The following METTL25B variants were observed in gnomAD, a reference collection of about 807,000 sequenced individuals.
METTL25B encodes the protein methyltransferase like 25B, also known as methyltransferase-like protein 25B.
In METTL25B, 38 loss-of-function variants were observed where a neutral mutation model predicts 48.4. The observed-to-expected ratio is 0.78, with a 90% CI of 0.61 to 1.03. METTL25B has a LOEUF of 1.03. METTL25B is among the 50% of genes least tolerant of loss of function. The probability of loss-of-function intolerance (pLI) is 0.00; values close to 1 mark genes in which losing one functional copy is unlikely to be tolerated. For synonymous variants in METTL25B, 230 were observed against 254.5 expected, an observed-to-expected ratio of 0.90 and a Z score of 0.92; for missense variants, 537 against 603.7, an observed-to-expected ratio of 0.89 and a Z score of 1.16.
rs2102651058 is a variant in METTL25B, at chr1:156,732,076, C to T, written c.197C>T (p.Thr66Ile). 6.2e-7 allele frequency: 1 copy of T among 1,614,208 alleles called. No individual in the cohort carries two copies. The highest frequency in any genetic ancestry group is 1.3e-5 in the African/African-American group (1 of 75,052). ...GGACTGAAACCACCACAGCTGGCCA[C>T]AATGCTGCTGGGGATGCCTGGGGAA... ...LDGLKPPQLATMLLGMPGEGE... is the reference protein window; with the variant it reads ...LDGLKPPQLAIMLLGMPGEGE... Residue 66 changes from threonine (T) to isoleucine (I), a missense_variant, in exon 2 of 8, where the codon ACA becomes ATA. Physicochemically the swap from Thr to Ile is moderately conservative, Grantham distance 89 (BLOSUM62 -1). Transcript: ENST00000368216.
At chr1:156,733,787 A>T in intron 5 of METTL25B, 1 of 673,398 alleles carries the variant, frequency 1.5e-6, no homozygotes, top group Non-Finnish European at 2.5e-6. Context: ...TGTTACAAAT[A>T]AGAAAACTGG....
Position 156,728,802 on chromosome 1 carries a change from C to T in METTL25B, c.-303C>T. On this transcript the variant is annotated 5_prime_UTR_variant, in exon 1 of 8. Transcript: ENST00000368216. Reference sequence around the variant, plus strand: ...GCGGGAACTGGAACTTGGCCCGCCTCGTTGTGAGCTGAGCTCAGCGGCACG... The same window carrying T: ...GCGGGAACTGGAACTTGGCCCGCCTTGTTGTGAGCTGAGCTCAGCGGCACG... 1 of 982,662 alleles carries T rather than the reference C, an allele frequency of 1.0e-6. No individual in the cohort carries two copies. The highest frequency in any genetic ancestry group is 1.3e-6 in the Non-Finnish European group (1 of 788,610). The allele number at this position is 982,662 out of a possible 1,614,324, so 60.9% of individuals were successfully genotyped here. A position where few individuals can be genotyped will look rare whatever the true frequency, so the allele number is the denominator to read the frequency against.
intron 4 of METTL25B, 146 bp downstream of exon 4, chr1:156,733,193 C>T: frequency 9.5e-7 from 1 of 1,051,856 alleles, no homozygotes; most frequent in African/African-American, 1.6e-5. Flanking sequence ...TTTTTTAAGC[C>T]AGTCAGATTT....
chr1:156,728,580 GAGTGTGT>G lies in METTL25B; in HGVS notation c.-524_-518del. 1 of 985,212 alleles carries G rather than the reference GAGTGTGT, an allele frequency of 1.0e-6. No individual in the cohort carries two copies. The highest frequency in any genetic ancestry group is 1.2e-6 in the Non-Finnish European group (1 of 829,766). 61.0% of individuals were successfully genotyped at this position (985,212 alleles called of 1,614,324 possible). ...CCCAGGTAGTGAGGCCAGTGATTCC[GAGTGTGT>G]GAGGAGCGGCAGTGGCGGCGGAGGA... On this transcript the variant is annotated 5_prime_UTR_variant, in exon 1 of 8. Coordinates refer to ENST00000368216, the MANE Select transcript of METTL25B (RefSeq NM_015997.4).
At chr1:156,735,301 A>AAT (rs1253989817) in intron 6 of METTL25B, among the ~76,000 whole-genome samples, 1 of 151,190 alleles carries the variant, frequency 6.6e-6, no homozygotes, top group Non-Finnish European at 1.5e-5. Context: ...AAAAAAAAAA[A>AAT]AGTTTTTTAA....
rs1173428672 is a variant in METTL25B, at chr1:156,735,760, A to G, written c.1157A>G (p.Asp386Gly). The G allele has an allele frequency of 6.2e-7, 1 of 1,611,730 alleles. No individual in the cohort carries two copies. The highest frequency in any genetic ancestry group is 8.5e-7 in the Non-Finnish European group (1 of 1,179,486). The change falls in exon 7 of 8, where the codon GAT (aspartate) becomes GGT (glycine). Residue 386 changes from aspartate to glycine, a missense_variant. Asp to Gly is a moderately conservative substitution (Grantham distance 94). Transcript: ENST00000368216. ...CGGGGGCTACAGCGAGTGGGGCTAG[A>G]TCCCCAGCTGCCACTGAATCTGGCT... ...VQRGLQRVGLDPQLPLNLAAL... is the reference protein window; with the variant it reads ...VQRGLQRVGLGPQLPLNLAAL...
intron 1 of METTL25B, chr1:156,729,425 T>G (rs1476190805): frequency 5.8e-5 from 25 of 428,268 alleles, no homozygotes; most frequent in Non-Finnish European, 8.9e-5. Flanking sequence ...CTTTTTCTTT[T>G]TTTTTTTCTT....
chr1:156,733,103 G>A, intron 4 of METTL25B, 56 bp downstream of exon 4: 1 of 1,521,698 alleles, frequency 6.6e-7, no homozygotes, highest in Non-Finnish European at 9.0e-7. Flanking sequence ...TAGAACACCT[G>A]GAAGGCAGGT....
Position 156,732,284 on chromosome 1 carries a change from C to T in METTL25B, c.240C>T (p.Tyr80=), listed in dbSNP as rs775317395. 1.2e-6 allele frequency: 2 copies of T among 1,614,170 alleles called. No individual in the cohort carries two copies. Among genetic ancestry groups the T allele is most frequent in the South Asian group, 1.1e-5 (1 of 91,080 alleles). ...GMPGEGEVVR[Y]RSVWPLTLLA... Reference sequence around the variant, plus strand: ...GGCCTCGGCTGGACTATCTCAGGTACAGGTCAGTGTGGCCACTCACCCTGC... The same window carrying T: ...GGCCTCGGCTGGACTATCTCAGGTATAGGTCAGTGTGGCCACTCACCCTGC... Residue 80 remains tyrosine, a synonymous_variant, in exon 3 of 8, where the codon TAC becomes TAT. Transcript: ENST00000368216.
chr1:156,729,530 C>T (rs188360433), intron 1 of METTL25B: 2 of 211,110 alleles, frequency 9.5e-6, no homozygotes, highest in African/African-American at 2.4e-5. Context: ...TAGTACCTAC[C>T]TAGATTGTTT....
intron 7 of METTL25B, chr1:156,736,205 C>T: frequency 3.6e-6 from 1 of 276,356 alleles, no homozygotes; most frequent in Admixed American, 4.9e-5. Flanking sequence ...AGTAAAAATA[C>T]AAAAAGTAGC....
Position 156,733,061 on chromosome 1 carries a change from TTGA to T in METTL25B, c.492+17_492+19del. On this transcript the variant is annotated intron_variant, in intron 4 of 7. Transcript: ENST00000368216. Reference sequence around the variant, plus strand: ...GGCTCAGGCCAGGTGAGCCAGAGTCTTGATGTACTGTTTTTTTGAGTCATGGGG... The same window carrying T: ...GGCTCAGGCCAGGTGAGCCAGAGTCTTGTACTGTTTTTTTGAGTCATGGGG... The T allele has an allele frequency of 6.2e-7, 1 of 1,612,900 alleles. No individual in the cohort carries two copies. Among genetic ancestry groups the T allele is most frequent in the Non-Finnish European group, 8.5e-7 (1 of 1,179,268 alleles).
In METTL25B at chr1:156,733,267, AT is replaced by A. The variant is rs1372303588; in HGVS notation, c.493-107del. 3.7e-6 allele frequency: 5 copies of A among 1,358,850 alleles called. No individual in the cohort carries two copies. In the Admixed American group the frequency reaches 8.8e-5, roughly 24 times the overall value. 84.2% of individuals were successfully genotyped at this position (1,358,850 alleles called of 1,614,324 possible). On this transcript the variant is annotated intron_variant, in intron 4 of 7. Transcript: ENST00000368216. ...ATGTTAATAAGTTCTGTAGGGTAAA[AT>A]TTAAGCCTTCTGTGGGGCCTGGGAC...
At position 156,728,885 on chromosome 1, in the gene METTL25B, T is replaced by G; in HGVS notation, c.-220T>G. 1 of 621,740 alleles carries G rather than the reference T, an allele frequency of 1.6e-6. No individual in the cohort carries two copies. Among genetic ancestry groups the G allele is most frequent in the Non-Finnish European group, 2.5e-6 (1 of 398,324 alleles). The allele number at this position is 621,740 out of a possible 1,614,324, so 38.5% of individuals were successfully genotyped here. ...CTACGTGTCTCTGACGCTGACACCT[T>G]CTCACTGTGAAACGTCGCGACCTGT... On this transcript the variant is annotated 5_prime_UTR_variant, in exon 1 of 8. Coordinates refer to ENST00000368216, the MANE Select transcript of METTL25B (RefSeq NM_015997.4).
chr1:156,734,511 G>A lies in METTL25B; in HGVS notation c.1121+18G>A. ...ATTGAAGAGTGAGGTTGGGGGACGG[G>A]TGGGGGGCAGTGGAGAGGAGATTTC... On this transcript the variant is annotated intron_variant, in intron 6 of 7. Transcript: ENST00000368216. The A allele has an allele frequency of 6.5e-7, 1 of 1,528,482 alleles. No homozygotes were observed. The highest frequency in any genetic ancestry group is 8.8e-7 in the Non-Finnish European group (1 of 1,140,214). The allele number at this position is 1,528,482 out of a possible 1,614,324, so 94.7% of individuals were successfully genotyped here.
At chr1:156,730,441 A>G (rs903727452) in intron 1 of METTL25B, among the ~76,000 whole-genome samples, 13 of 152,150 alleles carry the variant, frequency 8.5e-5, no homozygotes, top group African/African-American at 2.9e-4. Flanking sequence ...ATCCCAGCTC[A>G]GGCCGGGTAC....
chr1:156,731,083 G>C (rs1482098954), intron 1 of METTL25B, among the ~76,000 whole-genome samples: 1 of 152,166 alleles, frequency 6.6e-6, no homozygotes, highest in African/African-American at 2.4e-5. Context: ...TGTTTCATTA[G>C]TGTTTTGTCT....
At chr1:156,736,477 C>A in intron 7 of METTL25B, 155 bp from the exon 8 acceptor site, 2 of 777,884 alleles carry the variant, frequency 2.6e-6, no homozygotes, top group Non-Finnish European at 4.1e-6. Context: ...CAAGTCAGTG[C>A]CTTGGGAACC....
chr1:156,730,077 G>A (rs920015279), intron 1 of METTL25B, among the ~76,000 whole-genome samples: 2 of 152,074 alleles, frequency 1.3e-5, no homozygotes, highest in East Asian at 1.9e-4. Flanking sequence ...CTTCCTAACC[G>A]ATCTTGCTGT....
Sources: gnomAD v4.1 joint callset for allele counts (sites outside exome capture counted in the v4.1 genomes callset) on GRCh38, gnomAD v4.1.1 for gene constraint, MANE v1.5 for transcripts, NCBI Gene and HGNC (gene_info 2026-07-23, HGNC 2026-07-21) for gene names.